Variants in SV2C observed in about 807,000 individuals in gnomAD.
The protein encoded by SV2C is solute carrier family 22 member B3.
In SV2C, 49 loss-of-function variants were observed where a neutral mutation model predicts 79.7. The ratio of observed to expected loss-of-function variants is 0.61; its 90% CI spans 0.49 to 0.78. SV2C has a LOEUF of 0.78. SV2C is among the 30% of genes least tolerant of loss of function. The probability of loss-of-function intolerance (pLI) is 0.00; values close to 1 mark genes in which losing one functional copy is unlikely to be tolerated. For synonymous variants in SV2C, 334 were observed against 333.2 expected, an observed-to-expected ratio of 1.00 and a Z score of -0.03; for missense variants, 833 against 912.9, an observed-to-expected ratio of 0.91 and a Z score of 1.13.
At chr5:76,079,298 C>A, upstream of SV2C, 1 of 327,198 alleles carries the variant, frequency 3.1e-6, no homozygotes, top group Non-Finnish European at 6.2e-6. Flanking sequence ...AATAGTCAAA[C>A]TAAAATCAAA....
intron 4 of SV2C, among the ~76,000 whole-genome samples, chr5:76,274,557 G>A (rs185550833): frequency 2.3e-3 from 343 of 151,892 alleles, no homozygotes; most frequent in African/African-American, 7.8e-3. Flanking sequence ...TAGAAAAATC[G>A]ACCTCATTCT....
At chr5:76,227,793 G>C (rs1745297342) in intron 4 of SV2C, among the ~76,000 whole-genome samples, 1 of 152,256 alleles carries the variant, frequency 6.6e-6, no homozygotes, top group Non-Finnish European at 1.5e-5. Flanking sequence ...TGTGCTGTGG[G>C]GCTGTTTTTT....
chr5:76,061,313 C>G, the SV2C span, among the ~76,000 whole-genome samples: 1 of 114,154 alleles, frequency 8.8e-6, no homozygotes, highest in Non-Finnish European at 1.7e-5. Flanking sequence ...GAAAAATATG[C>G]AATAATGCCA....
chr5:76,171,717 T>G (rs1438786873), intron 2 of SV2C, among the ~76,000 whole-genome samples: 1 of 98,978 alleles, frequency 1.0e-5, no homozygotes, highest in Admixed American at 1.1e-4. Flanking sequence ...GGTGGGGGGG[T>G]CAGCCCCCCG....
chr5:76,298,197 A>G (rs2112518300), intron 9 of SV2C, among the ~76,000 whole-genome samples: 1 of 152,292 alleles, frequency 6.6e-6, no homozygotes, highest in Non-Finnish European at 1.5e-5. Flanking sequence ...TGTGAGAAGA[A>G]AAATTATCCT....
chr5:75,916,345 T>C, the SV2C span, among the ~76,000 whole-genome samples: 16 of 116,546 alleles, frequency 1.4e-4, no homozygotes, highest in African/African-American at 5.3e-4. Context: ...TCCCCCCTTC[T>C]TCCTCCCCTT....
the SV2C span, among the ~76,000 whole-genome samples, chr5:76,073,544 T>TATATATATATATATAAATAC: frequency 1.2e-4 from 14 of 121,060 alleles, no homozygotes; most frequent in African/African-American, 3.8e-4. Flanking sequence ...TATATATATA[T>TATATATATATATATAAATAC]ACACCATGGA....
At chr5:75,910,938 G>A in the SV2C span, 1 of 914,304 alleles carries the variant, frequency 1.1e-6, no homozygotes, top group Non-Finnish European at 1.8e-6. Flanking sequence ...CTATCAAGCA[G>A]CAGCAGGCTC....
chr5:75,993,750 C>T, the SV2C span, among the ~76,000 whole-genome samples: 1 of 151,958 alleles, frequency 6.6e-6, no homozygotes, highest in Non-Finnish European at 1.5e-5. Flanking sequence ...TCTTGCCTTG[C>T]ATTAGTTGTG....
chr5:76,179,475 A>G (rs1382176075), intron 2 of SV2C, among the ~76,000 whole-genome samples: 2 of 152,176 alleles, frequency 1.3e-5, no homozygotes, highest in African/African-American at 4.8e-5. Context: ...TGAGAAGCGG[A>G]TGGCTGACTG....
At chr5:75,871,868 T>TA in the SV2C span, among the ~76,000 whole-genome samples, 11,580 of 144,972 alleles carry the variant, frequency 0.08, 479 homozygotes, top group Admixed American at 0.095. Context: ...CGTATATATA[T>TA]TTTTATTATT....
intron 3 of SV2C, among the ~76,000 whole-genome samples, chr5:76,203,246 C>G (rs6865930): frequency 0.31 from 47,759 of 151,960 alleles, 8,036 homozygotes; most frequent in East Asian, 0.6. Flanking sequence ...TGCTTCATGC[C>G]TGCACCTCCA....
intron 12 of SV2C, among the ~76,000 whole-genome samples, chr5:76,313,992 TTATC>T (rs1198755958): frequency 1.3e-5 from 2 of 152,194 alleles, no homozygotes; most frequent in African/African-American, 2.4e-5. Context: ...TAGAGACAAT[TTATC>T]TATCAATCAT....
chr5:76,147,759 A>G (rs10942752), intron 2 of SV2C, among the ~76,000 whole-genome samples: 60,644 of 151,910 alleles, frequency 0.4, 12,830 homozygotes, highest in Middle Eastern at 0.5. Flanking sequence ...TTTTGACAAG[A>G]TATTTATTTT....
the SV2C span, among the ~76,000 whole-genome samples, chr5:76,072,117 A>C: frequency 6.6e-6 from 1 of 152,272 alleles, no homozygotes; most frequent in Non-Finnish European, 1.5e-5. Flanking sequence ...TTTTAAAAAA[A>C]CTATAGATAT....
intron 4 of SV2C, among the ~76,000 whole-genome samples, chr5:76,214,537 G>A (rs1487539386): frequency 6.6e-6 from 1 of 152,066 alleles, no homozygotes; most frequent in African/African-American, 2.4e-5. Flanking sequence ...ACAGATTTTA[G>A]GATTGTTTCT....
intron 4 of SV2C, among the ~76,000 whole-genome samples, chr5:76,271,481 A>T (rs1002402019): frequency 6.6e-6 from 1 of 152,224 alleles, no homozygotes; most frequent in Non-Finnish European, 1.5e-5. Flanking sequence ...TAATAGATGT[A>T]TGTAGACACT....
intron 3 of SV2C, among the ~76,000 whole-genome samples, chr5:76,195,522 G>T (rs1744244496): frequency 6.6e-6 from 1 of 152,118 alleles, no homozygotes; most frequent in African/African-American, 2.4e-5. Flanking sequence ...ACTTTTATTG[G>T]TCTATGTTAA....
chr5:76,186,493 C>T (rs925982541), intron 2 of SV2C, among the ~76,000 whole-genome samples: 1 of 152,048 alleles, frequency 6.6e-6, no homozygotes, highest in African/African-American at 2.4e-5. Flanking sequence ...GGAGTTCGAT[C>T]CCAGCCTGGC....
Sources: gnomAD v4.1 joint callset for allele counts (sites outside exome capture counted in the v4.1 genomes callset) on GRCh38, gnomAD v4.1.1 for gene constraint, MANE v1.5 for transcripts, NCBI Gene and HGNC (gene_info 2026-07-23, HGNC 2026-07-21) for gene names.